OFD1: variants seen among roughly 807,000 people sequenced by gnomAD.
OFD1 encodes OFD1 centriole and centriolar satellite protein, also known as centriole and centriolar satellite protein OFD1.
OFD1 carries 12 observed loss-of-function variants against 81.4 expected under a neutral mutation model. That is an observed-to-expected ratio of 0.15 (90% CI 0.09 to 0.24). The LOEUF (loss-of-function observed/expected upper bound fraction) is 0.24. Ranked by LOEUF, OFD1 falls within the 10% of genes least tolerant of loss-of-function variation. The pLI is 1.00. For synonymous variants in OFD1, 256 were observed against 263.7 expected (o/e 0.97, Z 0.28); for missense variants, 685 against 733.9 (o/e 0.93, Z 0.77).
chrX:13,759,968 G>A (rs1003571160), intron 15 of OFD1, 147 bp from the exon 16 acceptor site: 14 of 658,131 alleles, frequency 2.1e-5, no homozygotes, highest in Non-Finnish European at 3.4e-5. Flanking sequence ...AATGTTAGTG[G>A]TTATCGTTAC....
At chrX:13,772,074 CTAGT>C (rs768561117), downstream of OFD1, 127 of 112,111 alleles carry the variant, frequency 1.1e-3, no homozygotes, top group Admixed American at 6.6e-3. Flanking sequence ...ATTTGGGTCT[CTAGT>C]TATGATATAA....
chrX:13,735,052 C>T lies in OFD1; in HGVS notation c.-20C>T. 8.4e-7 allele frequency: 1 copy of T among 1,187,936 alleles called. No homozygotes were observed. Among genetic ancestry groups the T allele is most frequent in the Non-Finnish European group, 1.1e-6 (1 of 886,432 alleles). On this transcript the variant is annotated 5_prime_UTR_variant, in exon 1 of 23. Coordinates refer to ENST00000340096, the MANE Select transcript of OFD1 (RefSeq NM_003611.3). ...CGCGGCGGGGCGAGCGAGGCGGGCT[C>T]CGGAGGGAGCTGACGCCTGATGATG...
Position 13,756,598 on chromosome X carries a change from A to G in OFD1, c.1242A>G (p.Lys414=). Residue 414 remains lysine, a synonymous_variant, in exon 13 of 23, where the codon AAA becomes AAG. Transcript: ENST00000340096. ...KELELELESV[K]AQSLAITKQN... is the part of the protein sequence containing the mutation. ...TTTAGCTTGAATTAGAGTCTGTCAA[A>G]GCCCAGTCTTTGGCAATAACAAAAC... 1 of 1,204,755 alleles carries G rather than the reference A, an allele frequency of 8.3e-7. No individual in the cohort carries two copies. The highest frequency in any genetic ancestry group is 1.1e-6 in the Non-Finnish European group (1 of 892,722).
intron 10 of OFD1, chrX:13,752,765 T>A: frequency 3.1e-6 from 3 of 971,277 alleles, no homozygotes; most frequent in Non-Finnish European, 4.0e-6. Context: ...TTGGCAGGTG[T>A]TGGAGTTTGG....
intron 3 of OFD1, among the ~76,000 whole-genome samples, chrX:13,737,743 C>G (rs2046927631): frequency 8.9e-6 from 1 of 111,762 alleles, no homozygotes; most frequent in South Asian, 3.7e-4. Flanking sequence ...GTTTCATATT[C>G]CAAAGTTTTA....
At chrX:13,716,372 T>C in the OFD1 span, 5 of 655,754 alleles carry the variant, frequency 7.6e-6, no homozygotes, top group Admixed American at 1.8e-4. Context: ...AACAAAATGT[T>C]TTTCCCCCCT....
At chrX:13,764,920 C>T (rs2048069101) in intron 19 of OFD1, among the ~76,000 whole-genome samples, 1 of 111,067 alleles carries the variant, frequency 9.0e-6, no homozygotes, top group Admixed American at 9.6e-5. Flanking sequence ...CACCCAGGAC[C>T]GCAGCAGGGA....
At chrX:13,739,295 G>GAAAA in intron 5 of OFD1, 3 of 172,825 alleles carry the variant, frequency 1.7e-5, no homozygotes, top group South Asian at 2.5e-4. Context: ...GAATATTTCT[G>GAAAA]CAAAAAAAAA....
At chrX:13,740,256 G>A (rs2238908) in intron 5 of OFD1, 225,942 of 720,542 alleles carry the variant, frequency 0.31, 27,646 homozygotes, top group Admixed American at 0.6. Flanking sequence ...CGTCCAGTGT[G>A]ACTCTCTGTG....
At chrX:13,735,430 T>G (rs1285835614) in intron 2 of OFD1, 84 bp downstream of exon 2, 2 of 690,888 alleles carry the variant, frequency 2.9e-6, no homozygotes, top group Non-Finnish European at 4.7e-6. Flanking sequence ...GTTTAGGTTT[T>G]AATAATCGTA....
the OFD1 span, among the ~76,000 whole-genome samples, chrX:13,729,659 G>T: frequency 2.7e-5 from 3 of 111,583 alleles, no homozygotes; most frequent in Non-Finnish European, 5.7e-5. Context: ...CTGTAATCCC[G>T]GCACTTTGGG....
intron 8 of OFD1, among the ~76,000 whole-genome samples, chrX:13,748,257 T>G (rs2047369175): frequency 8.9e-6 from 1 of 112,445 alleles, no homozygotes; most frequent in East Asian, 2.8e-4. Flanking sequence ...TCCCTGTTTA[T>G]TTATCTGATC....
the OFD1 span, among the ~76,000 whole-genome samples, chrX:13,717,468 G>A: frequency 8.9e-6 from 1 of 111,817 alleles, no homozygotes; most frequent in African/African-American, 3.3e-5. Flanking sequence ...TTGGCCAGGC[G>A]CGGTGGCTTA....
intron 5 of OFD1, chrX:13,739,354 T>TC (rs1362300723): frequency 1.2e-5 from 3 of 253,850 alleles, no homozygotes; most frequent in Non-Finnish European, 1.4e-5. Flanking sequence ...ATACTAGGTA[T>TC]CCCTCTCAAG....
chrX:13,750,244 T>G (rs1038043328), intron 9 of OFD1, among the ~76,000 whole-genome samples: 3 of 112,196 alleles, frequency 2.7e-5, no homozygotes, highest in African/African-American at 9.7e-5. Flanking sequence ...GGTAAATTGA[T>G]CAAGAGAGAG....
At chrX:13,724,940 G>A in the OFD1 span, among the ~76,000 whole-genome samples, 1 of 113,475 alleles carries the variant, frequency 8.8e-6, no homozygotes, top group Non-Finnish European at 1.9e-5. Flanking sequence ...GGCAGACAAG[G>A]AGATTCTCTC....
chrX:13,728,779 G>T, the OFD1 span, among the ~76,000 whole-genome samples: 1 of 111,655 alleles, frequency 9.0e-6, no homozygotes. Flanking sequence ...AGAACTAAAG[G>T]GTATTCAATT....
intron 5 of OFD1, 72 bp downstream of exon 5, chrX:13,739,104 A>C: frequency 2.3e-6 from 2 of 884,156 alleles, no homozygotes; most frequent in East Asian, 3.2e-5. Context: ...GAATGAAGCA[A>C]ATTTTTAGGG....
At chrX:13,755,363 G>A in intron 12 of OFD1, 121 bp downstream of exon 12, 2 of 513,742 alleles carry the variant, frequency 3.9e-6, no homozygotes, top group South Asian at 5.4e-5. Flanking sequence ...ATATGGCTAA[G>A]AAGGTGTTAG....
Sources: gnomAD v4.1 joint callset for allele counts (sites outside exome capture counted in the v4.1 genomes callset) on GRCh38, gnomAD v4.1.1 for gene constraint, MANE v1.5 for transcripts, NCBI Gene and HGNC (gene_info 2026-07-23, HGNC 2026-07-21) for gene names.